Variants in ACACA observed in about 807,000 individuals in gnomAD.
ACACA encodes acetyl-CoA carboxylase 1.
In ACACA, 103 loss-of-function variants were observed where a neutral mutation model predicts 296.1. The observed-to-expected ratio is 0.35, with a 90% CI of 0.30 to 0.41. ACACA has a LOEUF of 0.41. Among genes scored for constraint, ACACA ranks in the 10% least tolerant of loss-of-function variants. The pLI is 1.00. For synonymous variants in ACACA, 953 were observed against 1,038.6 expected (o/e 0.92, Z 1.58); for missense variants, 1,554 against 2,989.7 (o/e 0.52, Z 11.20).
intron 3 of ACACA, among the ~76,000 whole-genome samples, chr17:37,310,036 CAAAACAAA>C (rs927414299): frequency 6.6e-6 from 1 of 151,878 alleles, no homozygotes; most frequent in African/African-American, 2.4e-5. Context: ...GACCCTGTTT[CAAAACAAA>C]AAAACAGAAA....
chr17:37,399,472 C>A (rs1400258223), intron 1 of ACACA, among the ~76,000 whole-genome samples: 1 of 152,094 alleles, frequency 6.6e-6, no homozygotes. Context: ...AATTTAGGAG[C>A]CTGTTTTGAC....
At chr17:37,166,139 A>T (rs2076656975) in intron 41 of ACACA, among the ~76,000 whole-genome samples, 1 of 150,486 alleles carries the variant, frequency 6.6e-6, no homozygotes, top group African/African-American at 2.4e-5. Context: ...TTTTCAATTT[A>T]ATTTTTTTTT....
At chr17:37,274,367 A>C in intron 8 of ACACA, 68 bp from the exon 9 acceptor site, 1 of 1,383,642 alleles carries the variant, frequency 7.2e-7, no homozygotes, top group South Asian at 1.2e-5. Context: ...TCTGCTCTGC[A>C]TTCTTTGAAA....
chr17:37,226,282 G>C, intron 26 of ACACA, 57 bp downstream of exon 26: 1 of 1,290,988 alleles, frequency 7.7e-7, no homozygotes, highest in South Asian at 1.2e-5. Context: ...TTGTGTCTAG[G>C]ACTGCCTGAT....
intron 41 of ACACA, among the ~76,000 whole-genome samples, chr17:37,167,270 CTTTTTTT>C (rs11387933): frequency 1.9e-5 from 2 of 105,558 alleles, no homozygotes; most frequent in Non-Finnish European, 3.8e-5. Flanking sequence ...ATGGTATTTT[CTTTTTTT>C]TTTTTTTTTT....
At chr17:37,319,774 A>C (rs1171888116) in intron 3 of ACACA, among the ~76,000 whole-genome samples, 3 of 152,058 alleles carry the variant, frequency 2.0e-5, no homozygotes, top group Non-Finnish European at 2.9e-5. Context: ...AAGATGGTGA[A>C]ACCCTGTCTC....
rs1480814034 is a variant in ACACA at position 37,285,554 on chromosome 17, C to T, written c.339-584G>A. Among the ~76,000 whole-genome samples, 3 of 152,184 alleles carry T rather than the reference C, an allele frequency of 2.0e-5. No individual in the cohort carries two copies. The East Asian group carries it at 5.8e-4, about 29-fold the overall frequency. On this transcript the variant is annotated intron_variant, in intron 3 of 55. Coordinates refer to ENST00000616317, the MANE Select transcript of ACACA (RefSeq NM_198834.3). Reference sequence around the variant, plus strand: ...CTAGGCCGGGTGCAGTGGCTCATGCCTGTAATCCCAGCACTTTGGGAGGCT... The same window carrying T: ...CTAGGCCGGGTGCAGTGGCTCATGCTTGTAATCCCAGCACTTTGGGAGGCT...
chr17:37,381,626 CTTT>C (rs550853752), intron 1 of ACACA, among the ~76,000 whole-genome samples: 3 of 125,866 alleles, frequency 2.4e-5, no homozygotes, highest in African/African-American at 5.9e-5. Context: ...CTTCCATAGT[CTTT>C]TTTTTTTTTT....
intron 31 of ACACA, 99 bp downstream of exon 31, chr17:37,207,558 C>T: frequency 1.4e-6 from 2 of 1,436,954 alleles, no homozygotes; most frequent in East Asian, 2.3e-5. Context: ...TGGCTCATGG[C>T]TATTCGGGAG....
chr17:37,238,231 G>A (rs116934082), intron 24 of ACACA, among the ~76,000 whole-genome samples: 4,976 of 150,324 alleles, frequency 0.033, 113 homozygotes, highest in Middle Eastern at 0.099. Context: ...AGTCTTTATC[G>A]GGAATTGATT....
chr17:37,344,131 G>T (rs895145528), intron 1 of ACACA, among the ~76,000 whole-genome samples: 3 of 150,214 alleles, frequency 2.0e-5, no homozygotes. Flanking sequence ...TTTTTAAAAA[G>T]AAAAAAAAAC....
chr17:37,136,256 T>C (rs2075328592), intron 45 of ACACA, among the ~76,000 whole-genome samples: 1 of 152,128 alleles, frequency 6.6e-6, no homozygotes, highest in Non-Finnish European at 1.5e-5. Flanking sequence ...TTGATCTTTT[T>C]GTTCCAGTAG....
intron 23 of ACACA, among the ~76,000 whole-genome samples, chr17:37,241,285 C>T (rs1463603714): frequency 6.6e-6 from 1 of 151,980 alleles, no homozygotes; most frequent in Admixed American, 6.6e-5. Context: ...ACTTTTGCAC[C>T]AACCTAATAT....
chr17:37,262,368 T>C (rs1430215759), intron 11 of ACACA, among the ~76,000 whole-genome samples: 2 of 152,168 alleles, frequency 1.3e-5, no homozygotes, highest in East Asian at 1.9e-4. Flanking sequence ...CCACATCCCC[T>C]GTCTCTTCCT....
chr17:37,339,324 T>C (rs2048280628), intron 2 of ACACA, among the ~76,000 whole-genome samples: 1 of 152,200 alleles, frequency 6.6e-6, no homozygotes, highest in Non-Finnish European at 1.5e-5. Context: ...AAAAGAGAGT[T>C]AATAAAACAC....
intron 52 of ACACA, among the ~76,000 whole-genome samples, chr17:37,108,039 C>G: frequency 6.6e-6 from 1 of 152,114 alleles, no homozygotes; most frequent in East Asian, 1.9e-4. Flanking sequence ...TTAAGGCAAC[C>G]AAATGGTAGG....
chr17:37,319,404 C>T (rs1434503299), intron 3 of ACACA, among the ~76,000 whole-genome samples: 1 of 152,032 alleles, frequency 6.6e-6, no homozygotes, highest in Non-Finnish European at 1.5e-5. Flanking sequence ...TACATATATG[C>T]ATAGAAAAGG....
At chr17:37,279,498 G>C (rs889060967) in intron 5 of ACACA, among the ~76,000 whole-genome samples, 9 of 152,098 alleles carry the variant, frequency 5.9e-5, no homozygotes, top group Non-Finnish European at 1.2e-4. Context: ...GCCGGGGATG[G>C]TGGCACAAGC....
intron 2 of ACACA, among the ~76,000 whole-genome samples, chr17:37,333,752 C>T (rs2047989907): frequency 6.7e-6 from 1 of 149,788 alleles, no homozygotes; most frequent in South Asian, 2.2e-4. Context: ...TAATCCCCTG[C>T]CTTATCGCCA....
Sources: gnomAD v4.1 joint callset for allele counts (sites outside exome capture counted in the v4.1 genomes callset) on GRCh38, gnomAD v4.1.1 for gene constraint, MANE v1.5 for transcripts, NCBI Gene and HGNC (gene_info 2026-07-23, HGNC 2026-07-21) for gene names.